STEAP1B: variants seen among roughly 807,000 people sequenced by gnomAD.
STEAP1B encodes the protein STEAP family protein MGC87042.
Under a neutral mutation model 27.9 loss-of-function variants are expected in STEAP1B, and 13 were observed. That is an observed-to-expected ratio of 0.47 (90% CI 0.30 to 0.74). The LOEUF (loss-of-function observed/expected upper bound fraction) is 0.74, where lower values mean the gene tolerates loss of function less well. Among genes scored for constraint, STEAP1B ranks in the 30% least tolerant of loss-of-function variants. The pLI, the probability that STEAP1B is intolerant of heterozygous loss-of-function variation, is 0.06. For missense variants in STEAP1B, 250 were observed against 298.7 expected, an observed-to-expected ratio of 0.84 and a Z score of 1.20; for synonymous variants, 86 against 107.1, an observed-to-expected ratio of 0.80 and a Z score of 1.22.
intron 4 of STEAP1B, among the ~76,000 whole-genome samples, chr7:22,430,630 C>T (rs1044132293): frequency 2.0e-5 from 3 of 152,146 alleles, no homozygotes; most frequent in Non-Finnish European, 2.9e-5. Flanking sequence ...GGCTTGTTTT[C>T]GTTAGAGTCA....
chr7:22,497,905 G>A (rs1466975114), intron 1 of STEAP1B, among the ~76,000 whole-genome samples: 1 of 152,192 alleles, frequency 6.6e-6, no homozygotes, highest in Non-Finnish European at 1.5e-5. Context: ...TTTGGCACCA[G>A]GGACTGGTTT....
At chr7:22,463,519 C>T (rs574549028) in intron 4 of STEAP1B, among the ~76,000 whole-genome samples, 2 of 152,308 alleles carry the variant, frequency 1.3e-5, no homozygotes, top group East Asian at 1.9e-4. Flanking sequence ...GCCAAAAGAA[C>T]AAAGCGGGAG....
At chr7:22,494,500 C>T (rs1786403683) in intron 2 of STEAP1B, among the ~76,000 whole-genome samples, 1 of 151,262 alleles carries the variant, frequency 6.6e-6, no homozygotes, top group Admixed American at 6.6e-5. Context: ...ATGATCTGGT[C>T]CAAGGCTTTC....
intron 4 of STEAP1B, among the ~76,000 whole-genome samples, chr7:22,473,693 T>G (rs1437324161): frequency 1.3e-5 from 2 of 152,154 alleles, no homozygotes; most frequent in Non-Finnish European, 2.9e-5. Context: ...TGTTTTAAGA[T>G]GGTATATTTT....
intron 4 of STEAP1B, among the ~76,000 whole-genome samples, chr7:22,433,962 A>G (rs188654124): frequency 3.9e-5 from 6 of 152,250 alleles, no homozygotes; most frequent in Admixed American, 3.9e-4. Flanking sequence ...ACCTACATCC[A>G]TTGGACCCAT....
intron 4 of STEAP1B, among the ~76,000 whole-genome samples, chr7:22,470,316 G>A (rs1388867760): frequency 6.6e-6 from 1 of 152,014 alleles, no homozygotes; most frequent in African/African-American, 2.4e-5. Flanking sequence ...TGACTTGAGG[G>A]GGCAAAAATA....
chr7:22,464,125 G>A (rs1785729778), intron 4 of STEAP1B, among the ~76,000 whole-genome samples: 2 of 152,198 alleles, frequency 1.3e-5, no homozygotes, highest in African/African-American at 4.8e-5. Flanking sequence ...TCAGCTGACA[G>A]TGTTGTTCAT....
intron 4 of STEAP1B, among the ~76,000 whole-genome samples, chr7:22,479,839 C>T (rs1187952326): frequency 1.3e-5 from 2 of 150,986 alleles, no homozygotes; most frequent in Admixed American, 6.6e-5. Context: ...CACACACCGG[C>T]GACGCCCAGC....
At chr7:22,439,446 T>C (rs904062519) in intron 4 of STEAP1B, among the ~76,000 whole-genome samples, 2 of 152,074 alleles carry the variant, frequency 1.3e-5, no homozygotes, top group African/African-American at 4.8e-5. Flanking sequence ...TTTTTTTTCA[T>C]ACAAGTCATG....
rs561483974 is a variant in STEAP1B, at chr7:22,444,528, G to GA, written c.763-24693_763-24692insT. 1.2e-4 allele frequency among the ~76,000 whole-genome samples: 18 copies of GA among 152,274 alleles called. No homozygotes were observed. In the South Asian group the frequency reaches 3.7e-3, roughly 32 times the overall value. The stretch of plus-strand genomic sequence containing the variant: ...GGATTCCAGGGACCATGGACTCTTT[G>GA]CAGACACACTACTCAAACCCATGGA... On this transcript the variant is annotated intron_variant, in intron 4 of 4. Transcript: ENST00000678116.
At chr7:22,474,238 C>T in intron 4 of STEAP1B, among the ~76,000 whole-genome samples, 1 of 152,158 alleles carries the variant, frequency 6.6e-6, no homozygotes, top group East Asian at 1.9e-4. Context: ...GGCCTACATG[C>T]TAGAGATGAT....
intron 4 of STEAP1B, among the ~76,000 whole-genome samples, chr7:22,442,344 G>A (rs10228906): frequency 0.56 from 85,524 of 152,168 alleles, 25,024 homozygotes; most frequent in East Asian, 0.7. Context: ...AAGTCAAGAC[G>A]ACAAACGTGT....
intron 4 of STEAP1B, among the ~76,000 whole-genome samples, chr7:22,467,799 C>G (rs1365240506): frequency 6.6e-6 from 1 of 152,158 alleles, no homozygotes; most frequent in Non-Finnish European, 1.5e-5. Flanking sequence ...TCGGGTGTGT[C>G]TTTATCAGCA....
At chr7:22,431,556 T>C (rs1176082667) in intron 4 of STEAP1B, among the ~76,000 whole-genome samples, 2 of 152,146 alleles carry the variant, frequency 1.3e-5, no homozygotes, top group African/African-American at 4.8e-5. Context: ...TCCCAGAGCA[T>C]GTAGGCTGGT....
chr7:22,474,611 G>C (rs1785940265), intron 4 of STEAP1B, among the ~76,000 whole-genome samples: 1 of 152,180 alleles, frequency 6.6e-6, no homozygotes, highest in Non-Finnish European at 1.5e-5. Context: ...CCAAAGATAA[G>C]CTAAAACTGT....
chr7:22,474,276 G>A (rs529734777), intron 4 of STEAP1B, among the ~76,000 whole-genome samples: 1 of 152,182 alleles, frequency 6.6e-6, no homozygotes, highest in Admixed American at 6.5e-5. Context: ...GACTTCAGTG[G>A]TTCTCATCCT....
intron 2 of STEAP1B, 105 bp from the exon 3 acceptor site, chr7:22,493,941 G>A (rs1346116450): frequency 6.6e-6 from 9 of 1,355,504 alleles, no homozygotes; most frequent in Non-Finnish European, 7.8e-6. Flanking sequence ...TTGAATAAGG[G>A]CATTCAGAAT....
At chr7:22,461,754 G>A (rs112195124) in intron 4 of STEAP1B, among the ~76,000 whole-genome samples, 4,244 of 152,274 alleles carry the variant, frequency 0.028, 136 homozygotes, top group Admixed American at 0.089. Context: ...TCTCTTCATG[G>A]TGCAAACAAG....
intron 4 of STEAP1B, among the ~76,000 whole-genome samples, chr7:22,460,336 CAA>C (rs33991000): frequency 1.0e-4 from 12 of 117,650 alleles, no homozygotes; most frequent in African/African-American, 1.2e-4. Flanking sequence ...TCAAAACAAA[CAA>C]AAAAAAAAAA....
Sources: gnomAD v4.1 joint callset for allele counts (sites outside exome capture counted in the v4.1 genomes callset) on GRCh38, gnomAD v4.1.1 for gene constraint, MANE v1.5 for transcripts, NCBI Gene and HGNC (gene_info 2026-07-23, HGNC 2026-07-21) for gene names.